BDP1: variants seen among roughly 807,000 people sequenced by gnomAD.
BDP1 encodes the protein transcription factor TFIIIB component B'' homolog.
BDP1 carries 169 observed loss-of-function variants against 266.6 expected under a neutral mutation model. The ratio of observed to expected loss-of-function variants is 0.63; its 90% CI spans 0.56 to 0.72. The LOEUF (loss-of-function observed/expected upper bound fraction) is 0.72, where lower values mean the gene tolerates loss of function less well. BDP1 is among the 30% of genes least tolerant of loss of function. The pLI is 0.00. For missense variants in BDP1, 3,015 were observed against 3,053.8 expected (o/e 0.99, Z 0.30); for synonymous variants, 1,090 against 1,022.4 (o/e 1.07, Z -1.26).
intron 37 of BDP1, among the ~76,000 whole-genome samples, chr5:71,561,818 A>C (rs1470144904): frequency 1.3e-5 from 2 of 152,190 alleles, no homozygotes; most frequent in Non-Finnish European, 2.9e-5. Context: ...CATTTTAATA[A>C]GATCCCCAAG....
intron 7 of BDP1, among the ~76,000 whole-genome samples, chr5:71,475,153 C>T (rs1025453889): frequency 7.9e-5 from 12 of 152,148 alleles, no homozygotes; most frequent in Admixed American, 3.9e-4. Flanking sequence ...GGCATGATTA[C>T]GGCTCACTGC....
intron 23 of BDP1, 59 bp downstream of exon 23, chr5:71,522,549 A>G: frequency 7.1e-7 from 1 of 1,413,470 alleles, no homozygotes; most frequent in Non-Finnish European, 9.7e-7. Context: ...TGTTTTGTCA[A>G]GATCATGAAG....
In BDP1 at chr5:71,509,630, A is replaced by G. The variant is rs535187264; in HGVS notation, c.2538A>G (p.Ala846=). 1.9e-6 allele frequency: 3 copies of G among 1,613,514 alleles called. No individual in the cohort carries two copies. The highest frequency in any genetic ancestry group is 1.7e-4 in the Middle Eastern group (1 of 6,058). ...TTGTCTCTGGGGAAATGGCGGCAGC[A>G]TTGAGAGAAACTGTAAGACTAGACA... is the stretch of plus-strand genomic sequence containing the variant. ...KILVSGEMAA[A]LRETVRLDTS... is the part of the protein sequence containing the mutation. The change falls in exon 17 of 39, where the codon GCA becomes GCG. Residue 846 remains alanine, a synonymous_variant. Coordinates refer to ENST00000358731, the MANE Select transcript of BDP1 (RefSeq NM_018429.3).
At chr5:71,575,206 G>A in the BDP1 span, among the ~76,000 whole-genome samples, 13 of 152,172 alleles carry the variant, frequency 8.5e-5, no homozygotes, top group East Asian at 1.9e-3. Context: ...ATATCACAGT[G>A]GAAAAGGTCT....
At chr5:71,456,154 T>C in intron 1 of BDP1, 65 bp downstream of exon 1, 1 of 1,469,822 alleles carries the variant, frequency 6.8e-7, no homozygotes. Context: ...ACCTGGAAGC[T>C]GAGCAAATGA....
At chr5:71,487,304 C>G (rs538434988) in intron 9 of BDP1, among the ~76,000 whole-genome samples, 1 of 151,914 alleles carries the variant, frequency 6.6e-6, no homozygotes, top group African/African-American at 2.4e-5. Flanking sequence ...TGCAGTGGCA[C>G]GATCTCGACT....
intron 25 of BDP1, among the ~76,000 whole-genome samples, chr5:71,525,477 G>A (rs1765771621): frequency 7.2e-6 from 1 of 138,604 alleles, no homozygotes; most frequent in Non-Finnish European, 1.6e-5. Flanking sequence ...CGGGGCGGCT[G>A]GCCGGGCGGG....
intron 21 of BDP1, among the ~76,000 whole-genome samples, chr5:71,516,856 A>T (rs952542559): frequency 6.6e-5 from 10 of 152,246 alleles, no homozygotes; most frequent in African/African-American, 2.4e-4. Context: ...CAAAGTCTAG[A>T]TTTAAAATAA....
At chr5:71,511,443 C>T in intron 17 of BDP1, 2 of 289,908 alleles carry the variant, frequency 6.9e-6, no homozygotes, top group East Asian at 6.1e-5. Flanking sequence ...CATAGAGAGA[C>T]CTTGTCTCTA....
chr5:71,549,989 T>C (rs1228629634), intron 34 of BDP1, among the ~76,000 whole-genome samples: 1 of 152,212 alleles, frequency 6.6e-6, no homozygotes, highest in African/African-American at 2.4e-5. Flanking sequence ...TACAGTTTTT[T>C]TTCTTAAGAG....
rs750501704 is a variant in BDP1 at position 71,509,449 on chromosome 5, C to CT, written c.2373-16_2373-15insT. The CT allele has an allele frequency of 2.9e-4, 424 of 1,467,688 alleles. No homozygotes were observed. The highest frequency in any genetic ancestry group is 1.6e-3 in the South Asian group (110 of 68,224). 90.9% of individuals were successfully genotyped at this position (1,467,688 alleles called of 1,614,324 possible). ...TGGTTTAAAACTTGATTGTGTGCCC[C>CT]CTTTTTTTTTTATAGCGTTCAAGAG... is the stretch of plus-strand genomic sequence containing the variant. On this transcript the variant is annotated splice_polypyrimidine_tract_variant and intron_variant, in intron 16 of 38. Coordinates refer to ENST00000358731, the MANE Select transcript of BDP1 (RefSeq NM_018429.3).
At position 71,548,028 on chromosome 5, in the gene BDP1, A is replaced by AT. The variant is rs370028383; in HGVS notation, c.6745-653dup. Among the ~76,000 whole-genome samples, 525 of 152,308 alleles carry AT rather than the reference A, an allele frequency of 3.4e-3. 3 individuals are homozygous for AT. The highest frequency in any genetic ancestry group is 0.012 in the African/African-American group (495 of 41,574). ...CCCGGCATAGTGTCTTACACCTATA[A>AT]TCCCAGCACTTTGGGAGGCCTAGGT... On this transcript the variant is annotated intron_variant, in intron 32 of 38. Transcript: ENST00000358731.
chr5:71,482,801 C>A (rs940245842), intron 7 of BDP1, among the ~76,000 whole-genome samples: 6 of 152,058 alleles, frequency 3.9e-5, no homozygotes, highest in African/African-American at 1.4e-4. Context: ...ACAGTATGAT[C>A]TTTTAAGGCA....
At chr5:71,497,096 A>G (rs1190594137) in intron 12 of BDP1, among the ~76,000 whole-genome samples, 174 bp from the exon 13 acceptor site, 5 of 152,156 alleles carry the variant, frequency 3.3e-5, no homozygotes, top group Admixed American at 2.6e-4. Flanking sequence ...CTGATGATGA[A>G]TGGTGTATTT....
At chr5:71,537,751 T>C (rs1766718032) in intron 26 of BDP1, 1 of 169,560 alleles carries the variant, frequency 5.9e-6, no homozygotes, top group Non-Finnish European at 1.4e-5. Flanking sequence ...GTTTCCACTT[T>C]TGCAGGAGCA....
intron 28 of BDP1, among the ~76,000 whole-genome samples, chr5:71,539,987 ATATAGTT>A (rs1766863868): frequency 6.6e-6 from 1 of 152,138 alleles, no homozygotes; most frequent in East Asian, 1.9e-4. Flanking sequence ...TTGATCACTG[ATATAGTT>A]TATACATGTG....
At chr5:71,569,734 G>A (rs1744203569), downstream of BDP1, among the ~76,000 whole-genome samples, 1 of 152,168 alleles carries the variant, frequency 6.6e-6, no homozygotes, top group Non-Finnish European at 1.5e-5. Context: ...GAAAGAGGGA[G>A]ACCCTGTCTC....
At chr5:71,503,428 T>A (rs753405391) in intron 15 of BDP1, among the ~76,000 whole-genome samples, 26 of 152,216 alleles carry the variant, frequency 1.7e-4, no homozygotes, top group Non-Finnish European at 2.6e-4. Context: ...ATAATCTGTT[T>A]CACCTGACCT....
At position 71,557,022 on chromosome 5, in the gene BDP1, C is replaced by G. The variant is rs1415028980; in HGVS notation, c.7240+97C>G. 3 of 597,570 alleles carry G rather than the reference C, an allele frequency of 5.0e-6. No individual in the cohort carries two copies. In the African/African-American group the frequency reaches 5.8e-5, roughly 12 times the overall value. The allele number at this position is 597,570 out of a possible 1,614,324, so 37.0% of individuals were successfully genotyped here. ...AAATATGAGATTGAAACTGAGTATT[C>G]CTTTTCTCCAAGAGTAATACTTGTA... On this transcript the variant is annotated intron_variant, in intron 36 of 38. Transcript: ENST00000358731.
Sources: allele counts gnomAD v4.1 joint callset (sites outside exome capture counted in the v4.1 genomes callset), GRCh38; gene constraint gnomAD v4.1.1; transcripts MANE v1.5; gene names NCBI Gene and HGNC (gene_info 2026-07-23, HGNC 2026-07-21).